SBF2: variants seen among roughly 807,000 people sequenced by gnomAD.
The protein encoded by SBF2 is SET binding factor 2.
SBF2 carries 112 observed loss-of-function variants against 225.2 expected under a neutral mutation model. That is an observed-to-expected ratio of 0.50 (90% CI 0.43 to 0.58). The LOEUF (loss-of-function observed/expected upper bound fraction) is 0.58. Ranked by LOEUF, SBF2 falls within the 20% of genes least tolerant of loss-of-function variation. The pLI is 0.00. For missense variants in SBF2, 1,996 were observed against 2,206.2 expected (o/e 0.90, Z 1.91); for synonymous variants, 763 against 773.3 (o/e 0.99, Z 0.22).
chr11:10,229,101 T>C (rs950555657), intron 1 of SBF2, among the ~76,000 whole-genome samples: 18 of 152,266 alleles, frequency 1.2e-4, no homozygotes, highest in East Asian at 5.8e-4. Context: ...AGTTTATTTG[T>C]GTAGAGGTGT....
chr11:9,785,014 A>C (rs1187726878), intron 37 of SBF2, 111 bp downstream of exon 37: 3 of 958,164 alleles, frequency 3.1e-6, no homozygotes, highest in African/African-American at 3.2e-5. Context: ...AATCCATTTC[A>C]AGTTTATAAA....
intron 1 of SBF2, among the ~76,000 whole-genome samples, chr11:10,216,380 T>C (rs1038774514): frequency 6.6e-6 from 1 of 152,216 alleles, no homozygotes; most frequent in Non-Finnish European, 1.5e-5. Context: ...AAAAAATGCG[T>C]CTATTCCTTC....
intron 26 of SBF2, among the ~76,000 whole-genome samples, chr11:9,833,627 A>C (rs186117584): frequency 6.6e-6 from 1 of 151,956 alleles, no homozygotes; most frequent in African/African-American, 2.4e-5. Context: ...TCACCGTGTT[A>C]GCCAGGATGG....
intron 3 of SBF2, among the ~76,000 whole-genome samples, chr11:10,035,640 T>C (rs1472896490): frequency 6.6e-6 from 1 of 152,164 alleles, no homozygotes; most frequent in Non-Finnish European, 1.5e-5. Flanking sequence ...AAGACATTTA[T>C]GCAGCCAAAA....
chr11:10,141,337 G>C (rs1954633032), intron 2 of SBF2, among the ~76,000 whole-genome samples: 1 of 152,108 alleles, frequency 6.6e-6, no homozygotes, highest in Non-Finnish European at 1.5e-5. Context: ...ATTTAAAGAA[G>C]GAGTCATTAG....
intron 28 of SBF2, among the ~76,000 whole-genome samples, chr11:9,817,996 T>C: frequency 6.6e-6 from 1 of 152,194 alleles, no homozygotes; most frequent in Non-Finnish European, 1.5e-5. Flanking sequence ...CCTAGGCTGG[T>C]GTGCAATGGC....
chr11:10,171,542 G>C (rs1565312482), intron 2 of SBF2, among the ~76,000 whole-genome samples: 1 of 152,102 alleles, frequency 6.6e-6, no homozygotes, highest in South Asian at 2.1e-4. Context: ...GGTTTGCTAA[G>C]ATTTTATTGA....
intron 2 of SBF2, among the ~76,000 whole-genome samples, chr11:10,078,606 A>C (rs1307145706): frequency 6.6e-6 from 1 of 151,804 alleles, no homozygotes; most frequent in Non-Finnish European, 1.5e-5. Flanking sequence ...AGGGAGGGGA[A>C]TATCACACAT....
intron 6 of SBF2, among the ~76,000 whole-genome samples, chr11:10,016,255 T>C (rs1234397612): frequency 6.6e-6 from 1 of 152,102 alleles, no homozygotes; most frequent in Admixed American, 6.6e-5. Context: ...GTAAAAACAA[T>C]CAGTTGATAT....
chr11:9,983,235 T>C (rs906184191), intron 13 of SBF2, among the ~76,000 whole-genome samples: 3 of 152,114 alleles, frequency 2.0e-5, no homozygotes, highest in Admixed American at 1.3e-4. Context: ...TCAGGGCTAC[T>C]GGGGGGCACA....
At chr11:9,816,755 C>T (rs1854477814) in intron 29 of SBF2, 85 bp downstream of exon 29, 1 of 1,366,798 alleles carries the variant, frequency 7.3e-7, no homozygotes, top group African/African-American at 1.4e-5. Flanking sequence ...AAAAAAAATT[C>T]TAGCAAAGCT....
intron 16 of SBF2, among the ~76,000 whole-genome samples, chr11:9,954,305 C>T (rs550177909): frequency 1.3e-3 from 199 of 152,248 alleles, no homozygotes; most frequent in African/African-American, 4.5e-3. Flanking sequence ...ATGTTTCTTT[C>T]TTAAAACATC....
chr11:9,840,287 G>A (rs1391003474), intron 25 of SBF2, among the ~76,000 whole-genome samples: 2 of 148,480 alleles, frequency 1.3e-5, no homozygotes, highest in Admixed American at 6.7e-5. Flanking sequence ...TACTTTTGAA[G>A]AAGACTCTTA....
At chr11:10,030,911 T>C (rs1949228088) in intron 4 of SBF2, 137 bp downstream of exon 4, 1 of 728,356 alleles carries the variant, frequency 1.4e-6, no homozygotes, top group Non-Finnish European at 2.2e-6. Context: ...ATTTCTTCTG[T>C]TCATGCTAAC....
chr11:9,998,857 C>T (rs561537268), intron 8 of SBF2, among the ~76,000 whole-genome samples: 95 of 152,222 alleles, frequency 6.2e-4, no homozygotes, highest in African/African-American at 2.2e-3. Flanking sequence ...CATGAATGTT[C>T]GATAACACTT....
chr11:9,921,120 G>A (rs1402988910), intron 16 of SBF2, among the ~76,000 whole-genome samples: 1 of 142,530 alleles, frequency 7.0e-6, no homozygotes, highest in Non-Finnish European at 1.5e-5. Flanking sequence ...GCCCAGGCTG[G>A]AGTACAATGG....
chr11:10,304,038 T>C (rs1964624654), intron 1 of SBF2, among the ~76,000 whole-genome samples: 1 of 152,148 alleles, frequency 6.6e-6, no homozygotes, highest in Non-Finnish European at 1.5e-5. Flanking sequence ...GTAGGGACTC[T>C]GCTGCTTCCT....
chr11:10,214,678 C>G (rs1958064080), intron 1 of SBF2, among the ~76,000 whole-genome samples: 1 of 152,078 alleles, frequency 6.6e-6, no homozygotes, highest in Non-Finnish European at 1.5e-5. Context: ...TCTTTACTTT[C>G]CTAAATGGAT....
intron 2 of SBF2, among the ~76,000 whole-genome samples, chr11:10,099,789 T>C (rs1215757744): frequency 1.3e-5 from 2 of 152,074 alleles, no homozygotes; most frequent in African/African-American, 2.4e-5. Context: ...GTTAAAACTA[T>C]AAAATGTTTG....
Sources: allele counts gnomAD v4.1 joint callset (sites outside exome capture counted in the v4.1 genomes callset), GRCh38; gene constraint gnomAD v4.1.1; transcripts MANE v1.5; gene names NCBI Gene and HGNC (gene_info 2026-07-23, HGNC 2026-07-21).